Variants in SCN8A observed in about 807,000 individuals in gnomAD.
SCN8A encodes sodium channel protein type 8 subunit alpha.
In SCN8A, 30 loss-of-function variants were observed where a neutral mutation model predicts 184.1. The observed-to-expected ratio is 0.16, with a 90% confidence interval of 0.12 to 0.22. SCN8A has a LOEUF of 0.22. Among genes scored for constraint, SCN8A ranks in the 10% least tolerant of loss-of-function variants. The pLI is 1.00. For synonymous variants in SCN8A, 852 were observed against 907.0 expected, an observed-to-expected ratio of 0.94 and a Z score of 1.09; for missense variants, 1,057 against 2,498.9, an observed-to-expected ratio of 0.42 and a Z score of 12.30.
At chr12:51,774,730 G>T (rs189848799) in intron 20 of SCN8A, among the ~76,000 whole-genome samples, 1 of 152,258 alleles carries the variant, frequency 6.6e-6, no homozygotes, top group African/African-American at 2.4e-5. Flanking sequence ...GGGAGAAGGG[G>T]TGAGAGAATG....
At chr12:51,803,125 C>T (rs966132145) in intron 26 of SCN8A, among the ~76,000 whole-genome samples, 6 of 152,098 alleles carry the variant, frequency 3.9e-5, no homozygotes, top group African/African-American at 1.4e-4. Context: ...AGTCTGAGTC[C>T]CAAATCCTCA....
Position 51,706,539 on chromosome 12 carries a change from A to G in SCN8A, c.1459A>G (p.Ser487Gly). 1 of 1,606,652 alleles carries G rather than the reference A, an allele frequency of 6.2e-7. No homozygotes were observed. Among genetic ancestry groups the G allele is most frequent in the East Asian group, 2.2e-5 (1 of 44,628 alleles). Residue 487 changes from serine (S) to glycine (G), a missense_variant, in exon 11 of 27, where the codon AGT becomes GGT. Physicochemically the swap from Ser to Gly is moderately conservative, Grantham distance 56. Coordinates refer to ENST00000627620, the MANE Select transcript of SCN8A (RefSeq NM_001330260.2). The stretch of plus-strand genomic sequence containing the variant: ...TGAAATCTCTAAACTCAGCTCAAAG[A>G]GTGCAAAGGAAAGACGTAACAGGAG... Reference protein sequence around the residue: ...SSEISKLSSKSAKERRNRRKK... With the variant: ...SSEISKLSSKGAKERRNRRKK...
In SCN8A at chr12:51,809,318, C is replaced by T. The variant is rs1387297662; in HGVS notation, c.*1889C>T. On this transcript the variant is annotated 3_prime_UTR_variant, in exon 27 of 27. Transcript: ENST00000627620. ...CATGTGAACCAAATCCAAATAAATT[C>T]TTCCTGAACCATACACTAGAGGGGG... 1 of 152,216 alleles carries T rather than the reference C, an allele frequency of 6.6e-6. No homozygotes were observed. Among genetic ancestry groups the T allele is most frequent in the Non-Finnish European group, 1.5e-5 (1 of 68,040 alleles). 9.4% of individuals were successfully genotyped at this position (152,216 alleles called of 1,614,324 possible).
In SCN8A at chr12:51,707,770, C is replaced by CA. The variant is rs1396815182; in HGVS notation, c.1635+1056dup. Among the ~76,000 whole-genome samples the CA allele has an allele frequency of 2.0e-5, 3 of 152,330 alleles. No homozygotes were observed. In the East Asian group the frequency reaches 5.8e-4, roughly 29 times the overall value. Reference sequence around the variant, plus strand: ...GAGCCTCCATACTCTTCTCCAAACTCATTGTACTAACGTGCATTCCCACAA... The same window carrying CA: ...GAGCCTCCATACTCTTCTCCAAACTCAATTGTACTAACGTGCATTCCCACAA... On this transcript the variant is annotated intron_variant, in intron 11 of 26. Transcript: ENST00000627620.
intron 4 of SCN8A, 33 bp from the exon 5 acceptor site, chr12:51,687,058 G>C: frequency 6.2e-7 from 1 of 1,612,152 alleles, no homozygotes. Context: ...TTTCTGTCCA[G>C]AAATTACCTC....
At position 51,809,232 on chromosome 12, in the gene SCN8A, C is replaced by G. The variant is rs886049593; in HGVS notation, c.*1803C>G. On this transcript the variant is annotated 3_prime_UTR_variant, in exon 27 of 27. Coordinates refer to ENST00000627620, the MANE Select transcript of SCN8A (RefSeq NM_001330260.2). ...TCACCTAATGACTGGATTTCAAAGCCAAGATGCTGCAGTTGAATGTGTCAG... is the reference window on the plus strand; with the variant it reads ...TCACCTAATGACTGGATTTCAAAGCGAAGATGCTGCAGTTGAATGTGTCAG... 6.6e-6 allele frequency: 1 copy of G among 152,120 alleles called. No homozygotes were observed. The highest frequency in any genetic ancestry group is 2.4e-5 in the African/African-American group (1 of 41,410). The allele number at this position is 152,120 out of a possible 1,614,324, so 9.4% of individuals were successfully genotyped here. A position where few individuals can be genotyped will look rare whatever the true frequency, so the allele number is the denominator to read the frequency against.
At chr12:51,729,669 A>G (rs1942210007) in intron 12 of SCN8A, among the ~76,000 whole-genome samples, 1 of 152,186 alleles carries the variant, frequency 6.6e-6, no homozygotes, top group Non-Finnish European at 1.5e-5. Flanking sequence ...TTTCATTTAT[A>G]TTGGGTAGAT....
chr12:51,800,145 C>T (rs1043150406), intron 26 of SCN8A, among the ~76,000 whole-genome samples: 2 of 152,232 alleles, frequency 1.3e-5, no homozygotes, highest in African/African-American at 4.8e-5. Flanking sequence ...TATTGCTGGC[C>T]TTGCCAGCTG....
At chr12:51,748,893 C>T (rs1454807946) in intron 13 of SCN8A, among the ~76,000 whole-genome samples, 1 of 152,170 alleles carries the variant, frequency 6.6e-6, no homozygotes, top group Non-Finnish European at 1.5e-5. Flanking sequence ...CCTTCAGAAA[C>T]CTCATGGTCT....
At chr12:51,767,652 CCAAAT>C (rs1942858945) in intron 16 of SCN8A, among the ~76,000 whole-genome samples, 1 of 152,212 alleles carries the variant, frequency 6.6e-6, no homozygotes, top group African/African-American at 2.4e-5. Flanking sequence ...AGGCTGTATA[CCAAAT>C]CTACTGAATC....
At chr12:51,705,659 C>T in intron 10 of SCN8A, 36 bp downstream of exon 10, 4 of 1,567,948 alleles carry the variant, frequency 2.6e-6, no homozygotes, top group Non-Finnish European at 2.6e-6. Flanking sequence ...ACCTTCCTGC[C>T]AGATCATGGT....
intron 1 of SCN8A, among the ~76,000 whole-genome samples, chr12:51,650,590 G>A (rs1940689556): frequency 6.7e-6 from 1 of 149,608 alleles, no homozygotes; most frequent in East Asian, 2.0e-4. Context: ...TTGGGAGCAG[G>A]CCCCCCAAAA....
At chr12:51,662,123 A>T (rs1477382143) in intron 1 of SCN8A, among the ~76,000 whole-genome samples, 1 of 152,234 alleles carries the variant, frequency 6.6e-6, no homozygotes, top group African/African-American at 2.4e-5. Context: ...TTAGAACAGT[A>T]TCTGCCCTCT....
At position 51,712,426 on chromosome 12, in the gene SCN8A, T is replaced by C; in HGVS notation, c.1635+5711T>C. 3.9e-6 allele frequency: 3 copies of C among 761,824 alleles called. No homozygotes were observed. In the East Asian group the frequency reaches 7.3e-5, roughly 19 times the overall value. 47.2% of individuals were successfully genotyped at this position (761,824 alleles called of 1,614,324 possible). ...GCTTTCCTGACAGCTCCTCGCGCTC[T>C]CTCCTGCTGAGAACTGTAGCCCTTT... On this transcript the variant is annotated intron_variant, in intron 11 of 26. Coordinates refer to ENST00000627620, the MANE Select transcript of SCN8A (RefSeq NM_001330260.2).
chr12:51,773,395 A>C (rs1942959652), intron 19 of SCN8A, among the ~76,000 whole-genome samples: 1 of 152,232 alleles, frequency 6.6e-6, no homozygotes, highest in Non-Finnish European at 1.5e-5. Flanking sequence ...CCAAAGAAAT[A>C]AAATAGTGAT....
intron 25 of SCN8A, among the ~76,000 whole-genome samples, chr12:51,793,908 G>A (rs913025649): frequency 5.3e-5 from 8 of 151,696 alleles, no homozygotes; most frequent in Admixed American, 2.0e-4. Flanking sequence ...ATTTTGGGAG[G>A]CCAAGGAAGA....
chr12:51,780,431 C>T (rs1937861121), intron 20 of SCN8A, among the ~76,000 whole-genome samples: 1 of 152,052 alleles, frequency 6.6e-6, no homozygotes, highest in South Asian at 2.1e-4. Context: ...CTCTCAACCA[C>T]CTTTCCTTCC....
rs1236722566 is a variant in SCN8A, at chr12:51,684,281, T to G, written c.384T>G (p.Ile128Met). 6.6e-7 allele frequency: 1 copy of G among 1,513,412 alleles called. No individual in the cohort carries two copies. Among genetic ancestry groups the G allele is most frequent in the Non-Finnish European group, 9.2e-7 (1 of 1,088,266 alleles). The allele number at this position is 1,513,412 out of a possible 1,614,324, so 93.7% of individuals were successfully genotyped here. Reference sequence around the variant, plus strand: ...TGATAAGAAGAATAGCTATTAAAATTTTGATACATTCATATCCTTTTCGGC... The same window carrying G: ...TGATAAGAAGAATAGCTATTAAAATGTTGATACATTCATATCCTTTTCGGC... Reference protein sequence around the residue: ...FNLIRRIAIKILIHSVFSMII... With the variant: ...FNLIRRIAIKMLIHSVFSMII... Residue 128 changes from isoleucine to methionine, a missense_variant, in exon 3 of 27, where the codon ATT (isoleucine) becomes ATG (methionine). Coordinates refer to ENST00000627620, the MANE Select transcript of SCN8A (RefSeq NM_001330260.2).
At chr12:51,769,784 AT>A (rs1942894441) in intron 17 of SCN8A, 83 bp from the exon 18 acceptor site, 1 of 879,892 alleles carries the variant, frequency 1.1e-6, no homozygotes, top group South Asian at 1.4e-5. Context: ...CTGGCCCCTC[AT>A]CCCCACCAGA....
Sources: gnomAD v4.1 joint callset for allele counts (sites outside exome capture counted in the v4.1 genomes callset) on GRCh38, gnomAD v4.1.1 for gene constraint, MANE v1.5 for transcripts, NCBI Gene and HGNC (gene_info 2026-07-23, HGNC 2026-07-21) for gene names.